Variants in SCN2B observed in about 807,000 individuals in gnomAD.
The protein encoded by SCN2B is sodium voltage-gated channel beta subunit 2, also known as sodium channel regulatory subunit beta-2.
SCN2B carries 14 observed loss-of-function variants against 18.2 expected under a neutral mutation model. The observed-to-expected ratio is 0.77, with a 90% CI of 0.51 to 1.21. The LOEUF (loss-of-function observed/expected upper bound fraction) is 1.21, where lower values mean the gene tolerates loss of function less well. Ranked by LOEUF, SCN2B falls within the 50% of genes most tolerant of loss-of-function variation. SCN2B has a pLI of 0.00. For synonymous variants in SCN2B, 115 were observed against 115.3 expected (o/e 1.00, Z 0.02); for missense variants, 262 against 286.9 (o/e 0.91, Z 0.63).
chr11:118,168,562 C>T lies in SCN2B; in HGVS notation c.237+23G>A. The T allele has an allele frequency of 9.3e-6, 15 of 1,614,094 alleles. No individual in the cohort carries two copies. The highest frequency in any genetic ancestry group is 1.3e-5 in the Non-Finnish European group (15 of 1,179,994). ...TGGGGCTCCTACCTCCTCCCCTGCC[C>T]CTGCCTTCAGCCCAGGACTCACCAT... On this transcript the variant is annotated intron_variant, in intron 2 of 3. Transcript: ENST00000278947. The surrounding 1 kb of genome is among the most constrained non-coding windows in gnomAD (Gnocchi z 4.7).
At chr11:118,169,090 G>C (rs375303331) in intron 1 of SCN2B, among the ~76,000 whole-genome samples, 8 of 152,132 alleles carry the variant, frequency 5.3e-5, no homozygotes, top group African/African-American at 1.9e-4. Flanking sequence ...GGCCCACTCA[G>C]CCTCCCCAGT....
rs1948382763 is a variant in SCN2B, at chr11:118,166,435, CA to C, written c.*451del. On this transcript the variant is annotated 3_prime_UTR_variant, in exon 4 of 4. Transcript: ENST00000278947. ...CTCTGGGCTGGGAGCAGGGGAGGAG[CA>C]CAGCCGTGCCAGGCCAAGGCCCTCC... The C allele has an allele frequency of 4.0e-6, 1 of 250,564 alleles. No individual in the cohort carries two copies. The highest frequency in any genetic ancestry group is 7.9e-6 in the Non-Finnish European group (1 of 125,958). The allele number at this position is 250,564 out of a possible 1,614,324, so 15.5% of individuals were successfully genotyped here.
Position 118,166,409 on chromosome 11 carries a change from G to A in SCN2B, c.*478C>T, listed in dbSNP as rs567562554. 1.4e-5 allele frequency: 3 copies of A among 216,978 alleles called. No individual in the cohort carries two copies. Among genetic ancestry groups the A allele is most frequent in the East Asian group, 2.4e-4 (2 of 8,342 alleles). 13.4% of individuals were successfully genotyped at this position (216,978 alleles called of 1,614,324 possible). A position where few individuals can be genotyped will look rare whatever the true frequency, so the allele number is the denominator to read the frequency against. ...CATCGTCACCTCCAGCCTGATGGCT[G>A]CTCTGGGCTGGGAGCAGGGGAGGAG... On this transcript the variant is annotated 3_prime_UTR_variant, in exon 4 of 4. Coordinates refer to ENST00000278947, the MANE Select transcript of SCN2B (RefSeq NM_004588.5).
chr11:118,168,142 T>A lies in SCN2B; in HGVS notation c.391A>T (p.Asn131Tyr), dbSNP rs1177750643. The A allele has an allele frequency of 6.2e-7, 1 of 1,614,022 alleles. No individual in the cohort carries two copies. Among genetic ancestry groups the A allele is most frequent in the Non-Finnish European group, 8.5e-7 (1 of 1,180,040 alleles). ...TGGCCACGGTGGCGGTCAGGGGGGT[T>A]CATGATGTAGCAGTTGTAAATCCCC... ...DEGIYNCYIM[N>Y]PPDRHRGHGK... Residue 131 changes from asparagine (N) to tyrosine (Y), a missense_variant, in exon 3 of 4, where the codon AAC becomes TAC. Physicochemically the swap from Asn to Tyr is moderately radical, Grantham distance 143 (BLOSUM62 -2). Coordinates refer to ENST00000278947, the MANE Select transcript of SCN2B (RefSeq NM_004588.5). This position sits in a 1 kb window ranked among gnomAD's most constrained non-coding sequence, Gnocchi z 4.7.
intron 1 of SCN2B, among the ~76,000 whole-genome samples, chr11:118,171,744 C>T (rs1184835920): frequency 2.0e-5 from 3 of 152,178 alleles, no homozygotes; most frequent in African/African-American, 4.8e-5. Context: ...AATGCGGGCT[C>T]CCCCTCCCCA....
At chr11:118,171,713 C>T (rs1310785568) in intron 1 of SCN2B, among the ~76,000 whole-genome samples, 1 of 152,136 alleles carries the variant, frequency 6.6e-6, no homozygotes, top group Admixed American at 6.5e-5. Flanking sequence ...GCCGGCAGGA[C>T]GGGGGCAGCC....
intron 1 of SCN2B, among the ~76,000 whole-genome samples, chr11:118,170,530 T>G (rs1411981364): frequency 6.6e-6 from 1 of 152,088 alleles, no homozygotes; most frequent in Non-Finnish European, 1.5e-5. Context: ...GATATGGAAT[T>G]AGGAGTTTCC....
Position 118,166,877 on chromosome 11 carries a change from C to A in SCN2B, c.*10G>T, listed in dbSNP as rs749428739. ...GACGGGACACGGGAGGCTGCAGGGC[C>A]GGCCACCCACTACTTGGCGCCATCA... On this transcript the variant is annotated 3_prime_UTR_variant, in exon 4 of 4. Transcript: ENST00000278947. The A allele has an allele frequency of 6.4e-5, 103 of 1,613,556 alleles. No individual in the cohort carries two copies. Among genetic ancestry groups the A allele is most frequent in the Non-Finnish European group, 4.2e-6 (5 of 1,179,980 alleles).
chr11:118,167,331 A>G (rs1370218147), intron 3 of SCN2B, among the ~76,000 whole-genome samples: 1 of 152,264 alleles, frequency 6.6e-6, no homozygotes, highest in African/African-American at 2.4e-5. Context: ...TTTAAGATCA[A>G]ACAGACCCAA....
At chr11:118,167,115 C>G in intron 3 of SCN2B, 29 bp from the exon 4 acceptor site, 1 of 1,601,796 alleles carries the variant, frequency 6.2e-7, no homozygotes, top group Non-Finnish European at 8.5e-7. Flanking sequence ...CACTGAGCAC[C>G]AGGGCTGGGA....
chr11:118,166,704 T>G lies in SCN2B; in HGVS notation c.*183A>C. On this transcript the variant is annotated 3_prime_UTR_variant, in exon 4 of 4. Transcript: ENST00000278947. ...CCCAGAGCATGGCAGGTTTCTCGGA[T>G]GGAAGAGAGTGGGTCACTCTTGGTG... The G allele has an allele frequency of 4.4e-6, 3 of 675,190 alleles. No individual in the cohort carries two copies. 41.8% of individuals were successfully genotyped at this position (675,190 alleles called of 1,614,324 possible). A position where few individuals can be genotyped will look rare whatever the true frequency, so the allele number is the denominator to read the frequency against.
rs949192674 is a variant in SCN2B, at chr11:118,164,930, G to C, written c.*1957C>G. On this transcript the variant is annotated 3_prime_UTR_variant, in exon 4 of 4. Coordinates refer to ENST00000278947, the MANE Select transcript of SCN2B (RefSeq NM_004588.5). The stretch of plus-strand genomic sequence containing the variant: ...TGGTCCCTGAGACTGTCACGGTCCT[G>C]TCTCCACCCCCTTTCCTAGACTTAT... 1 of 152,716 alleles carries C rather than the reference G, an allele frequency of 6.5e-6. No individual in the cohort carries two copies. The highest frequency in any genetic ancestry group is 2.4e-5 in the African/African-American group (1 of 41,456). 9.5% of individuals were successfully genotyped at this position (152,716 alleles called of 1,614,324 possible).
At chr11:118,176,335 G>C (rs202029472) in intron 1 of SCN2B, 27 bp downstream of exon 1, 1 of 1,601,684 alleles carries the variant, frequency 6.2e-7, no homozygotes, top group Admixed American at 1.7e-5. Context: ...CTGAACCCTC[G>C]GGAGCATGCA....
Position 118,164,774 on chromosome 11 carries a change from TG to T in SCN2B, c.*2112del, listed in dbSNP as rs1948363525. 6.5e-6 allele frequency: 1 copy of T among 152,692 alleles called. No individual in the cohort carries two copies. Among genetic ancestry groups the T allele is most frequent in the African/African-American group, 2.4e-5 (1 of 41,468 alleles). The allele number at this position is 152,692 out of a possible 1,614,324, so 9.5% of individuals were successfully genotyped here. On this transcript the variant is annotated 3_prime_UTR_variant, in exon 4 of 4. Coordinates refer to ENST00000278947, the MANE Select transcript of SCN2B (RefSeq NM_004588.5). ...CTTATGGCTTTGTGTATATCCCCAG[TG>T]CCCGGCACAGTGCCTGGCACATAAT...
At chr11:118,173,337 A>G (rs1384329282) in intron 1 of SCN2B, among the ~76,000 whole-genome samples, 1 of 152,054 alleles carries the variant, frequency 6.6e-6, no homozygotes, top group East Asian at 1.9e-4. Flanking sequence ...TGAGAAGCTC[A>G]TTTGCCCTCC....
chr11:118,176,519 T>G lies in SCN2B; in HGVS notation c.-88A>C. ...CTACAAGGGAGGAATGGTTGGATGCTAAAAAAAAATGCACGGATGTACTTC... is the reference window on the plus strand; with the variant it reads ...CTACAAGGGAGGAATGGTTGGATGCGAAAAAAAAATGCACGGATGTACTTC... On this transcript the variant is annotated 5_prime_UTR_variant, in exon 1 of 4. Transcript: ENST00000278947. 1.1e-6 allele frequency: 1 copy of G among 903,142 alleles called. No individual in the cohort carries two copies. Among genetic ancestry groups the G allele is most frequent in the Non-Finnish European group, 1.8e-6 (1 of 550,716 alleles). 55.9% of individuals were successfully genotyped at this position (903,142 alleles called of 1,614,324 possible).
chr11:118,173,225 C>G (rs917973642), intron 1 of SCN2B, among the ~76,000 whole-genome samples: 2 of 152,192 alleles, frequency 1.3e-5, no homozygotes, highest in African/African-American at 4.8e-5. Flanking sequence ...AGCCCCCATC[C>G]CCCCAGGTCT....
intron 1 of SCN2B, 152 bp downstream of exon 1, chr11:118,176,210 G>T: frequency 1.4e-6 from 1 of 733,400 alleles, no homozygotes. Context: ...GCACTCCCCA[G>T]CAACGTCCCT....
In SCN2B at chr11:118,166,692, AG is replaced by A. The variant is rs1434728353; in HGVS notation, c.*194del. The A allele has an allele frequency of 3.6e-5, 23 of 646,888 alleles. No homozygotes were observed. The highest frequency in any genetic ancestry group is 8.2e-4 in the Middle Eastern group (2 of 2,428). The allele number at this position is 646,888 out of a possible 1,614,324, so 40.1% of individuals were successfully genotyped here. On this transcript the variant is annotated 3_prime_UTR_variant, in exon 4 of 4. Coordinates refer to ENST00000278947, the MANE Select transcript of SCN2B (RefSeq NM_004588.5). Reference sequence around the variant, plus strand: ...GGGCCCACACGTCCCAGAGCATGGCAGGTTTCTCGGATGGAAGAGAGTGGGT... The same window carrying A: ...GGGCCCACACGTCCCAGAGCATGGCAGTTTCTCGGATGGAAGAGAGTGGGT...
Sources: allele counts gnomAD v4.1 joint callset (sites outside exome capture counted in the v4.1 genomes callset), GRCh38; gene constraint gnomAD v4.1.1; non-coding constraint Gnocchi (gnomAD v3.1); transcripts MANE v1.5; gene names NCBI Gene and HGNC (gene_info 2026-07-23, HGNC 2026-07-21).